Variants in PPM1A observed in about 807,000 individuals in gnomAD.
PPM1A encodes protein phosphatase, Mg2+/Mn2+ dependent 1A.
A neutral mutation model predicts 35.0 loss-of-function variants in PPM1A; 7 were observed. That is an observed-to-expected ratio of 0.20 (90% CI 0.11 to 0.38). The LOEUF (loss-of-function observed/expected upper bound fraction) is 0.38. Among genes scored for constraint, PPM1A ranks in the 10% least tolerant of loss-of-function variants. The pLI is 1.00. For synonymous variants in PPM1A, 153 were observed against 167.3 expected (o/e 0.91, Z 0.66); for missense variants, 239 against 467.8 (o/e 0.51, Z 4.51).
intron 1 of PPM1A, among the ~76,000 whole-genome samples, chr14:60,276,453 G>T (rs1885770977): frequency 1.3e-5 from 2 of 151,724 alleles, no homozygotes; most frequent in African/African-American, 4.8e-5. Context: ...GGTCATCAAA[G>T]GTCCTCTAGT....
chr14:60,288,276 A>C, intron 3 of PPM1A: 5 of 962,160 alleles, frequency 5.2e-6, no homozygotes, highest in Non-Finnish European at 6.2e-6. Context: ...AGATACATCA[A>C]ATATAGATGA....
At chr14:60,278,612 T>C (rs61992495) in intron 1 of PPM1A, among the ~76,000 whole-genome samples, 24,465 of 152,132 alleles carry the variant, frequency 0.16, 2,188 homozygotes, top group African/African-American at 0.23. Context: ...ACTTCTTCTG[T>C]GTGTTAGGCT....
rs1410506647 is a variant in PPM1A at position 60,249,692 on chromosome 14, C to T, written c.-21+15C>T. On this transcript the variant is annotated intron_variant, in intron 1 of 5. Transcript: ENST00000395076. This position sits in a 1 kb window ranked among gnomAD's most constrained non-coding sequence, Gnocchi z 4.5. ...GGCTGCTCCGGGTAAGTGCGGCGCT[C>T]GGGCCGACGGCGGGCTGGCGGGCGG... The T allele has an allele frequency of 6.1e-6, 6 of 983,422 alleles. No individual in the cohort carries two copies. Among genetic ancestry groups the T allele is most frequent in the East Asian group, 1.2e-4 (1 of 8,632 alleles). 60.9% of individuals were successfully genotyped at this position (983,422 alleles called of 1,614,324 possible).
chr14:60,277,065 T>TGTACTCAA (rs1885852334), intron 1 of PPM1A: 10 of 1,202,920 alleles, frequency 8.3e-6, no homozygotes, highest in Non-Finnish European at 1.1e-5. Flanking sequence ...AGACTCAGCT[T>TGTACTCAA]GTACTCAAGA....
chr14:60,280,555 TTCCTTTTCTC>T (rs1886288590), intron 1 of PPM1A, among the ~76,000 whole-genome samples: 1 of 152,260 alleles, frequency 6.6e-6, no homozygotes, highest in East Asian at 1.9e-4. Context: ...CTTTTTTTCT[TTCCTTTTCTC>T]AAGGTAGTGG....
rs982328827 is a variant in PPM1A, at chr14:60,295,394, C to G, written c.*2912C>G. On this transcript the variant is annotated 3_prime_UTR_variant, in exon 6 of 6. Transcript: ENST00000395076. ...ACTTAATTCAGCTTTGGAAGTATCT[C>G]AAACATATTTTTACTTTATAGTGCA... The G allele has an allele frequency of 6.6e-6, 1 of 151,652 alleles. No homozygotes were observed. The highest frequency in any genetic ancestry group is 2.1e-4 in the South Asian group (1 of 4,830). 9.4% of individuals were successfully genotyped at this position (151,652 alleles called of 1,614,324 possible). A position where few individuals can be genotyped will look rare whatever the true frequency, so the allele number is the denominator to read the frequency against.
rs931000967 is a variant in PPM1A at position 60,293,930 on chromosome 14, T to G, written c.*1448T>G. The G allele has an allele frequency of 6.6e-6, 1 of 151,986 alleles. No homozygotes were observed. Among genetic ancestry groups the G allele is most frequent in the Non-Finnish European group, 1.5e-5 (1 of 67,890 alleles). 9.4% of individuals were successfully genotyped at this position (151,986 alleles called of 1,614,324 possible). A position where few individuals can be genotyped will look rare whatever the true frequency, so the allele number is the denominator to read the frequency against. ...AAATCTGTCGCATTGAAAAGATTACTGTTCCGTGCCCTTCTGTATTTTTGT... is the reference window on the plus strand; with the variant it reads ...AAATCTGTCGCATTGAAAAGATTACGGTTCCGTGCCCTTCTGTATTTTTGT... On this transcript the variant is annotated 3_prime_UTR_variant, in exon 6 of 6. Coordinates refer to ENST00000395076, the MANE Select transcript of PPM1A (RefSeq NM_021003.5). The surrounding 1 kb of genome is among the most constrained non-coding windows in gnomAD (Gnocchi z 4.0).
rs1238862000 is a variant in PPM1A at position 60,292,364 on chromosome 14, A to G, written c.1120-89A>G. 1 of 974,800 alleles carries G rather than the reference A, an allele frequency of 1.0e-6. No individual in the cohort carries two copies. Among genetic ancestry groups the G allele is most frequent in the East Asian group, 2.4e-5 (1 of 41,080 alleles). The allele number at this position is 974,800 out of a possible 1,614,324, so 60.4% of individuals were successfully genotyped here. ...ATTCTAAAAGTCATCTTTACAGAAC[A>G]TTATCTTTCTCCATTATCCAGAAAG... is the stretch of plus-strand genomic sequence containing the variant. On this transcript the variant is annotated intron_variant, in intron 5 of 5. Coordinates refer to ENST00000395076, the MANE Select transcript of PPM1A (RefSeq NM_021003.5). This position sits in a 1 kb window ranked among gnomAD's most constrained non-coding sequence, Gnocchi z 4.2.
intron 1 of PPM1A, among the ~76,000 whole-genome samples, chr14:60,262,362 G>A (rs1458958715): frequency 6.6e-6 from 1 of 152,122 alleles, no homozygotes; most frequent in Non-Finnish European, 1.5e-5. Flanking sequence ...TAGTGCTGAG[G>A]GAAATTGGAG....
chr14:60,283,554 T>TA lies in PPM1A; in HGVS notation c.834+22dup. The stretch of plus-strand genomic sequence containing the variant: ...TTGTATAAGGTAGCTAGACTTTTTT[T>TA]AAAAACATAAAATGATTTTATGCCA... On this transcript the variant is annotated intron_variant, in intron 2 of 5. Coordinates refer to ENST00000395076, the MANE Select transcript of PPM1A (RefSeq NM_021003.5). This position sits in a 1 kb window ranked among gnomAD's most constrained non-coding sequence, Gnocchi z 6.3. The TA allele has an allele frequency of 6.3e-7, 1 of 1,579,358 alleles. No homozygotes were observed. The highest frequency in any genetic ancestry group is 1.2e-5 in the South Asian group (1 of 84,926).
At chr14:60,245,920 A>C (rs1313358911), upstream of PPM1A, 3 of 1,584,254 alleles carry the variant, frequency 1.9e-6, no homozygotes, top group Non-Finnish European at 2.6e-6. The surrounding 1 kb of genome is among the most constrained non-coding windows in gnomAD (Gnocchi z 4.2). Flanking sequence ...AGAGAAAAGA[A>C]GAATGGGGAA....
At chr14:60,254,680 C>T (rs1357786275) in intron 1 of PPM1A, among the ~76,000 whole-genome samples, 1 of 152,164 alleles carries the variant, frequency 6.6e-6, no homozygotes, top group South Asian at 2.1e-4. Context: ...GTGGGTCTTA[C>T]TACTGCAGAC....
chr14:60,289,705 G>A lies in PPM1A; in HGVS notation c.953-101G>A. 1 of 686,900 alleles carries A rather than the reference G, an allele frequency of 1.5e-6. No individual in the cohort carries two copies. The highest frequency in any genetic ancestry group is 1.8e-5 in the South Asian group (1 of 55,892). The allele number at this position is 686,900 out of a possible 1,614,324, so 42.6% of individuals were successfully genotyped here. Reference sequence around the variant, plus strand: ...ATACCAGATTAGAAAAATCTCAGATGTGGTAAATGCCATCTTTAAAAAGCT... The same window carrying A: ...ATACCAGATTAGAAAAATCTCAGATATGGTAAATGCCATCTTTAAAAAGCT... On this transcript the variant is annotated intron_variant, in intron 3 of 5. Coordinates refer to ENST00000395076, the MANE Select transcript of PPM1A (RefSeq NM_021003.5). The surrounding 1 kb of genome is among the most constrained non-coding windows in gnomAD (Gnocchi z 4.1).
At chr14:60,249,132 G>A (rs1470099118), upstream of PPM1A, 7 of 726,232 alleles carry the variant, frequency 9.6e-6, no homozygotes, top group African/African-American at 1.9e-5. The surrounding 1 kb of genome is among the most constrained non-coding windows in gnomAD (Gnocchi z 4.5). Flanking sequence ...CGCCGCAGCT[G>A]TAGCGGCGGC....
chr14:60,295,923 A>G lies in PPM1A; in HGVS notation c.*3441A>G, dbSNP rs547242349. On this transcript the variant is annotated 3_prime_UTR_variant, in exon 6 of 6. Coordinates refer to ENST00000395076, the MANE Select transcript of PPM1A (RefSeq NM_021003.5). ...AAGTTAAAGAGTAATTCAGAAGAAA[A>G]TTTTGCTTAGCATAAGAATAAAATT... 1 of 151,752 alleles carries G rather than the reference A, an allele frequency of 6.6e-6. No individual in the cohort carries two copies. The highest frequency in any genetic ancestry group is 2.1e-4 in the South Asian group (1 of 4,818). 9.4% of individuals were successfully genotyped at this position (151,752 alleles called of 1,614,324 possible).
intron 1 of PPM1A, among the ~76,000 whole-genome samples, chr14:60,254,111 C>T (rs1882766076): frequency 1.3e-5 from 2 of 152,078 alleles, no homozygotes; most frequent in Admixed American, 1.3e-4. Flanking sequence ...TATATGAAAT[C>T]TTGAGATACT....
intron 1 of PPM1A, among the ~76,000 whole-genome samples, chr14:60,266,151 C>G (rs1884354124): frequency 6.6e-6 from 1 of 152,090 alleles, no homozygotes; most frequent in Non-Finnish European, 1.5e-5. Flanking sequence ...GGTCATTGCT[C>G]CATATATTTA....
intron 1 of PPM1A, among the ~76,000 whole-genome samples, chr14:60,266,447 G>A (rs1884391217): frequency 6.6e-6 from 1 of 152,062 alleles, no homozygotes; most frequent in Non-Finnish European, 1.5e-5. Context: ...CCTACCATAA[G>A]ATTACAGAAA....
In PPM1A at chr14:60,294,335, CTATTTA is replaced by C. The variant is rs1442024611; in HGVS notation, c.*1860_*1865del. 1.3e-5 allele frequency: 2 copies of C among 151,758 alleles called. No individual in the cohort carries two copies. The highest frequency in any genetic ancestry group is 4.8e-5 in the African/African-American group (2 of 41,368). The allele number at this position is 151,758 out of a possible 1,614,324, so 9.4% of individuals were successfully genotyped here. On this transcript the variant is annotated 3_prime_UTR_variant, in exon 6 of 6. Transcript: ENST00000395076. ...GCATGAATGAGGAAAAACTGAAGTA[CTATTTA>C]TATTTAGAAATTCATATCAGTTGAA...
Sources: gnomAD v4.1 joint callset for allele counts (sites outside exome capture counted in the v4.1 genomes callset) on GRCh38, gnomAD v4.1.1 for gene constraint, Gnocchi (gnomAD v3.1) non-coding constraint, MANE v1.5 for transcripts, NCBI Gene and HGNC (gene_info 2026-07-23, HGNC 2026-07-21) for gene names.